PCCA: variants seen among roughly 807,000 people sequenced by gnomAD.
The protein encoded by PCCA is propionyl-CoA carboxylase alpha chain, mitochondrial.
In PCCA, 74 loss-of-function variants were observed where a neutral mutation model predicts 101.3. The observed-to-expected ratio is 0.73, with a 90% CI of 0.61 to 0.89. The LOEUF (loss-of-function observed/expected upper bound fraction) is 0.89. PCCA is among the 40% of genes least tolerant of loss of function. The probability of loss-of-function intolerance (pLI) is 0.00; values close to 1 mark genes in which losing one functional copy is unlikely to be tolerated. For synonymous variants in PCCA, 294 were observed against 313.6 expected (o/e 0.94, Z 0.66); for missense variants, 891 against 907.0 (o/e 0.98, Z 0.23).
chr13:100,219,669 T>C lies in PCCA; in HGVS notation c.600+10206T>C, dbSNP rs554004944. Among the ~76,000 whole-genome samples the C allele has an allele frequency of 3.7e-4, 57 of 152,318 alleles. 1 individual carries two copies. Among genetic ancestry groups the C allele is most frequent in the South Asian group, 4.1e-4 (2 of 4,830 alleles). On this transcript the variant is annotated intron_variant, in intron 7 of 23. Transcript: ENST00000376285. ...CATATCAATAAAATTTTTACTTGTT[T>C]CTCCGCTAATAATTAGTGAAAATTC...
At chr13:100,106,687 T>A (rs2152266607) in intron 2 of PCCA, among the ~76,000 whole-genome samples, 1 of 152,250 alleles carries the variant, frequency 6.6e-6, no homozygotes, top group Non-Finnish European at 1.5e-5. Context: ...AGTGCTGGCA[T>A]TGTAGGCATG....
At chr13:100,227,319 C>G (rs954969130) in intron 7 of PCCA, among the ~76,000 whole-genome samples, 2 of 152,148 alleles carry the variant, frequency 1.3e-5, no homozygotes, top group African/African-American at 4.8e-5. Flanking sequence ...ACCCCACAGG[C>G]CATGTTCTAG....
At position 100,446,467 on chromosome 13, in the gene PCCA, G is replaced by A. The variant is rs146527647; in HGVS notation, c.1846-2785G>A. Among the ~76,000 whole-genome samples the A allele has an allele frequency of 4.2e-3, 640 of 152,162 alleles. 5 individuals carry two copies. The highest frequency in any genetic ancestry group is 0.014 in the African/African-American group (586 of 41,500). Reference sequence around the variant, plus strand: ...GTACATTTTGTACTATGCATTTATCGTATTGAATTATACTTATTTTTCCAA... The same window carrying A: ...GTACATTTTGTACTATGCATTTATCATATTGAATTATACTTATTTTTCCAA... On this transcript the variant is annotated intron_variant, in intron 20 of 23. Transcript: ENST00000376285.
At chr13:100,501,944 A>C (rs1048967469) in intron 21 of PCCA, among the ~76,000 whole-genome samples, 2 of 152,068 alleles carry the variant, frequency 1.3e-5, no homozygotes, top group Admixed American at 1.3e-4. Flanking sequence ...TGGGGGGCCT[A>C]GCGGTCTGTG....
At chr13:100,463,714 C>G (rs908155825) in intron 21 of PCCA, among the ~76,000 whole-genome samples, 1 of 152,094 alleles carries the variant, frequency 6.6e-6, no homozygotes, top group Non-Finnish European at 1.5e-5. Flanking sequence ...ATGAACCTGC[C>G]AAAGGGACAA....
intron 19 of PCCA, among the ~76,000 whole-genome samples, chr13:100,383,841 A>G (rs2076359438): frequency 6.6e-6 from 1 of 152,160 alleles, no homozygotes; most frequent in Non-Finnish European, 1.5e-5. Context: ...AGAATAGAAA[A>G]TAATAACTAC....
chr13:100,172,383 C>G (rs2055777015), intron 6 of PCCA, among the ~76,000 whole-genome samples: 1 of 151,414 alleles, frequency 6.6e-6, no homozygotes, highest in Admixed American at 6.6e-5. Flanking sequence ...TATTAAATTC[C>G]TTTTACATGA....
At chr13:100,467,542 T>G (rs1022764640) in intron 21 of PCCA, among the ~76,000 whole-genome samples, 1 of 152,172 alleles carries the variant, frequency 6.6e-6, no homozygotes, top group Non-Finnish European at 1.5e-5. Flanking sequence ...GACTAATTTT[T>G]TGTATTTTTA....
intron 7 of PCCA, among the ~76,000 whole-genome samples, chr13:100,224,187 C>G (rs938610935): frequency 2.0e-5 from 3 of 152,222 alleles, no homozygotes; most frequent in Admixed American, 1.3e-4. Flanking sequence ...GGTCCCGAGC[C>G]CTGCCCGGCG....
At chr13:100,492,359 C>T (rs960617810) in intron 21 of PCCA, among the ~76,000 whole-genome samples, 1 of 152,088 alleles carries the variant, frequency 6.6e-6, no homozygotes, top group Non-Finnish European at 1.5e-5. Flanking sequence ...TGGTTTCGAT[C>T]TCCTGACCTT....
chr13:100,323,600 G>A (rs1050006817), intron 16 of PCCA, among the ~76,000 whole-genome samples: 1 of 151,864 alleles, frequency 6.6e-6, no homozygotes, highest in East Asian at 1.9e-4. Context: ...ACAGGTGTGA[G>A]CCACTGTGCC....
chr13:100,216,313 C>T (rs1312478621), intron 7 of PCCA, among the ~76,000 whole-genome samples: 3 of 152,134 alleles, frequency 2.0e-5, no homozygotes, highest in African/African-American at 4.8e-5. Context: ...GAATAAACAC[C>T]GAGGAAGCAT....
chr13:100,298,882 T>C (rs866186279), intron 12 of PCCA, among the ~76,000 whole-genome samples: 9 of 151,590 alleles, frequency 5.9e-5, no homozygotes, highest in African/African-American at 2.2e-4. Flanking sequence ...ATGTTGTGCT[T>C]ATAAGATTTC....
In PCCA at chr13:100,350,354, G is replaced by A. The variant is rs1391401633; in HGVS notation, c.1643+10095G>A. On this transcript the variant is annotated intron_variant, in intron 18 of 23. Transcript: ENST00000376285. ...CCTAACTATACAATAAAAAAAAATA[G>A]CACTTTAAGTATATATTTACAAACG... Among the ~76,000 whole-genome samples the A allele has an allele frequency of 3.9e-5, 6 of 151,970 alleles. No homozygotes were observed. In the East Asian group the frequency reaches 5.8e-4, roughly 15 times the overall value.
chr13:100,139,902 AGTTTTTTTTT>A (rs2051652227), intron 4 of PCCA, among the ~76,000 whole-genome samples: 2 of 148,668 alleles, frequency 1.3e-5, no homozygotes, highest in Non-Finnish European at 3.0e-5. Context: ...TGCACATTCC[AGTTTTTTTTT>A]GTTTTTTTTT....
intron 21 of PCCA, among the ~76,000 whole-genome samples, chr13:100,498,956 CATTGAT>C (rs2085470014): frequency 2.0e-5 from 3 of 152,286 alleles, no homozygotes; most frequent in Admixed American, 6.5e-5. Context: ...TTTAACAAGG[CATTGAT>C]TTGGTTCTCT....
chr13:100,292,282 G>A (rs1170417095), intron 12 of PCCA, among the ~76,000 whole-genome samples: 1 of 152,156 alleles, frequency 6.6e-6, no homozygotes, highest in East Asian at 1.9e-4. Context: ...CATTGTTTTT[G>A]TTAATTGCAA....
chr13:100,373,516 G>T (rs1397805917), intron 19 of PCCA, among the ~76,000 whole-genome samples: 1 of 152,196 alleles, frequency 6.6e-6, no homozygotes, highest in Non-Finnish European at 1.5e-5. Flanking sequence ...AATACTGTAC[G>T]ATTCCACTTA....
chr13:100,246,812 A>G (rs761641342), intron 8 of PCCA, among the ~76,000 whole-genome samples: 1 of 152,002 alleles, frequency 6.6e-6, no homozygotes, highest in Admixed American at 6.6e-5. Flanking sequence ...TCCTGAAAAG[A>G]GTGTATATTC....
Sources: allele counts gnomAD v4.1 joint callset (sites outside exome capture counted in the v4.1 genomes callset), GRCh38; gene constraint gnomAD v4.1.1; transcripts MANE v1.5; gene names NCBI Gene and HGNC (gene_info 2026-07-23, HGNC 2026-07-21).